MROH7: variants seen among roughly 807,000 people sequenced by gnomAD.
MROH7 encodes the protein maestro heat like repeat family member 7, also known as maestro heat-like repeat-containing protein family member 7.
Under a neutral mutation model 129.2 loss-of-function variants are expected in MROH7, and 113 were observed. The ratio of observed to expected loss-of-function variants is 0.87; its 90% confidence interval spans 0.75 to 1.02. The LOEUF is 1.02. Among genes scored for constraint, MROH7 ranks in the 50% least tolerant of loss-of-function variants. The pLI is 0.00. For synonymous variants in MROH7, 655 were observed against 667.9 expected (o/e 0.98, Z 0.30); for missense variants, 1,601 against 1,671.3 (o/e 0.96, Z 0.73).
chr1:54,686,472 C>G, intron 15 of MROH7, 24 bp downstream of exon 15: 1 of 1,600,422 alleles, frequency 6.2e-7, no homozygotes. Flanking sequence ...TCTCTCTTGA[C>G]CCTGCTGTCC....
intron 5 of MROH7, 43 bp from the exon 6 acceptor site, chr1:54,670,454 A>G: frequency 1.9e-6 from 3 of 1,579,176 alleles, no homozygotes; most frequent in Non-Finnish European, 2.6e-6. Flanking sequence ...GGTGGCCTGC[A>G]GTAGCCCTGT....
At chr1:54,657,717 G>A (rs1644670853) in intron 3 of MROH7, among the ~76,000 whole-genome samples, 2 of 149,728 alleles carry the variant, frequency 1.3e-5, no homozygotes, top group East Asian at 3.9e-4. Context: ...AGTCTTGATT[G>A]CAGTGGTGTG....
rs7529569 is a variant in MROH7, at chr1:54,663,435, C to T, written c.1232-1732C>T. On this transcript the variant is annotated intron_variant, in intron 3 of 23. Coordinates refer to ENST00000421030, the MANE Select transcript of MROH7 (RefSeq NM_001039464.4). ...TTGCCTCAGCTGGAATGCAGTGGTGCGATCTTGGCTCACTGAGACCTCTGC... is the reference window on the plus strand; with the variant it reads ...TTGCCTCAGCTGGAATGCAGTGGTGTGATCTTGGCTCACTGAGACCTCTGC... Among the ~76,000 whole-genome samples the T allele has an allele frequency of 4.3e-3, 659 of 152,116 alleles. 5 individuals are homozygous for T. The highest frequency in any genetic ancestry group is 0.014 in the Middle Eastern group (4 of 294).
At chr1:54,646,062 T>C (rs1364999457) in intron 1 of MROH7, among the ~76,000 whole-genome samples, 1 of 152,246 alleles carries the variant, frequency 6.6e-6, no homozygotes, top group Non-Finnish European at 1.5e-5. Context: ...TTCATTTTTC[T>C]GGTATTGCCG....
chr1:54,644,170 G>T (rs1042740643), intron 1 of MROH7, among the ~76,000 whole-genome samples: 8 of 141,762 alleles, frequency 5.6e-5, no homozygotes, highest in African/African-American at 2.1e-4. Context: ...TCTCCTTCTG[G>T]AACTCTGATG....
intron 1 of MROH7, 128 bp downstream of exon 1, chr1:54,642,096 A>T (rs1305846658): frequency 6.6e-6 from 1 of 151,966 alleles, no homozygotes; most frequent in Admixed American, 6.6e-5. Context: ...GCAGGGAGGG[A>T]ATGCCATAAA....
At chr1:54,699,161 T>TCTGTCTGTCTGTCTGTG (rs1553176968) in intron 17 of MROH7, 1 of 113,502 alleles carries the variant, frequency 8.8e-6, no homozygotes, top group African/African-American at 3.6e-5. Flanking sequence ...TTTCTTTCTT[T>TCTGTCTGTCTGTCTGTG]TCTTTCTTTC....
In MROH7 at chr1:54,697,981, G is replaced by A. The variant is rs546252110; in HGVS notation, c.2965-2340G>A. 8 of 361,156 alleles carry A rather than the reference G, an allele frequency of 2.2e-5. No individual in the cohort carries two copies. In the South Asian group the frequency reaches 5.5e-4, roughly 25 times the overall value. The allele number at this position is 361,156 out of a possible 1,614,324, so 22.4% of individuals were successfully genotyped here. ...CCTTCCGCCCTGCAGCAAGGGTCTT[G>A]GCCCAGGTTCAGTCTTTTCCACCTC... On this transcript the variant is annotated intron_variant, in intron 17 of 23. Transcript: ENST00000421030.
chr1:54,670,014 A>T (rs1204669553), intron 5 of MROH7, among the ~76,000 whole-genome samples: 1 of 151,688 alleles, frequency 6.6e-6, no homozygotes, highest in Non-Finnish European at 1.5e-5. Flanking sequence ...AAAAAAAAAA[A>T]AAAAAAAAAT....
At chr1:54,661,405 T>G (rs560504263) in intron 3 of MROH7, among the ~76,000 whole-genome samples, 1 of 151,272 alleles carries the variant, frequency 6.6e-6, no homozygotes, top group East Asian at 2.0e-4. Context: ...AGAGATGGGG[T>G]TTCTCCGTGT....
In MROH7 at chr1:54,685,111, G is replaced by T. The variant is rs370652967; in HGVS notation, c.2521-1147G>T. On this transcript the variant is annotated intron_variant, in intron 14 of 23. Coordinates refer to ENST00000421030, the MANE Select transcript of MROH7 (RefSeq NM_001039464.4). ...TTCACCACAACCCCTCCACCTCCCG[G>T]GTTGCAGTGATTCTCATGCCTCAGC... Among the ~76,000 whole-genome samples, 161 of 152,002 alleles carry T rather than the reference G, an allele frequency of 1.1e-3. 1 individual carries two copies. Among genetic ancestry groups the T allele is most frequent in the Middle Eastern group, 6.8e-3 (2 of 294 alleles).
At position 54,670,610 on chromosome 1, in the gene MROH7, C is replaced by T. The variant is rs565550821; in HGVS notation, c.1469+34C>T. The T allele has an allele frequency of 1.5e-5, 24 of 1,584,538 alleles. No individual in the cohort carries two copies. In the South Asian group the frequency reaches 2.6e-4, roughly 17 times the overall value. On this transcript the variant is annotated intron_variant, in intron 6 of 23. Transcript: ENST00000421030. ...GGCCCTCTCCCTGTTCCCACAGCCC[C>T]TCTCCTCTCTTCCTCCACTTCTGCC...
chr1:54,701,252 G>A lies in MROH7; in HGVS notation c.3215G>A (p.Arg1072Gln), dbSNP rs778801607. The A allele has an allele frequency of 2.2e-5, 35 of 1,613,884 alleles. No homozygotes were observed. In the East Asian group the frequency reaches 2.7e-4, roughly 12 times the overall value. ...VHNLKAVFKG[R>Q]DQKLMDSAVY... is the part of the protein sequence containing the mutation. ...AACCTCAAGGCTGTCTTCAAGGGGC[G>A]GGACCAGAAGCTGATGGACAGTGCG... Residue 1072 changes from arginine (R) to glutamine (Q), a missense_variant, in exon 19 of 24, where the codon CGG becomes CAG. By Grantham distance (43) the Arg-to-Gln change is conservative. Transcript: ENST00000421030.
Position 54,653,412 on chromosome 1 carries a change from G to A in MROH7, c.486G>A (p.Lys162=). 2.5e-6 allele frequency: 4 copies of A among 1,614,198 alleles called. No individual in the cohort carries two copies. The highest frequency in any genetic ancestry group is 3.4e-6 in the Non-Finnish European group (4 of 1,180,044). ...AGTGCCTCTCAAGTAAGATTTTCAA[G>A]TTGGGTCAGAGAAACTCCAACCCTT... The part of the protein sequence containing the change: ...AFKCLSSKIF[K]LGQRNSNPSR... Residue 162 remains lysine, a synonymous_variant, in exon 3 of 24, where the codon AAG becomes AAA. Transcript: ENST00000421030.
At chr1:54,674,182 GTCT>G in intron 10 of MROH7, 31 bp downstream of exon 10, 1 of 1,599,152 alleles carries the variant, frequency 6.3e-7, no homozygotes, top group Non-Finnish European at 8.5e-7. Context: ...TCTGAAGGAA[GTCT>G]TCTGAGTTGT....
chr1:54,658,890 C>A (rs955511826), intron 3 of MROH7, among the ~76,000 whole-genome samples: 3 of 152,068 alleles, frequency 2.0e-5, no homozygotes, highest in Admixed American at 6.6e-5. Flanking sequence ...CCATTGCCAC[C>A]CTCCAGTTGT....
intron 15 of MROH7, among the ~76,000 whole-genome samples, chr1:54,689,585 A>G (rs1424918081): frequency 5.3e-5 from 8 of 152,220 alleles, no homozygotes; most frequent in African/African-American, 1.7e-4. Context: ...GGCTCTGGTA[A>G]TGAGTGCAAC....
At chr1:54,663,685 TAA>T (rs1225623141) in intron 3 of MROH7, 5,676 of 273,398 alleles carry the variant, frequency 0.021, 87 homozygotes, top group Admixed American at 0.13. Context: ...CCATCAGCTC[TAA>T]AAAAAAAAAA....
chr1:54,708,893 C>T (rs1407122237), intron 22 of MROH7, 121 bp from the exon 23 acceptor site: 1 of 842,776 alleles, frequency 1.2e-6, no homozygotes, highest in African/African-American at 1.7e-5. Flanking sequence ...GTTTTGTGTT[C>T]TCATGTGTGG....
Sources: allele counts gnomAD v4.1 joint callset (sites outside exome capture counted in the v4.1 genomes callset), GRCh38; gene constraint gnomAD v4.1.1; transcripts MANE v1.5; gene names NCBI Gene and HGNC (gene_info 2026-07-23, HGNC 2026-07-21).